GLIS3: variants seen among roughly 807,000 people sequenced by gnomAD.
GLIS3 encodes zinc finger protein GLIS3.
A neutral mutation model predicts 78.6 loss-of-function variants in GLIS3; 53 were observed. The observed-to-expected ratio is 0.67, with a 90% CI of 0.54 to 0.85. The LOEUF (loss-of-function observed/expected upper bound fraction) is 0.85. GLIS3 is among the 40% of genes least tolerant of loss of function. GLIS3 has a pLI of 0.00. For missense variants in GLIS3, 1,703 were observed against 1,231.1 expected (o/e 1.38, Z -5.74); for synonymous variants, 684 against 509.9 (o/e 1.34, Z -4.60).
the GLIS3 span, among the ~76,000 whole-genome samples, chr9:4,397,177 C>T: frequency 1.4e-5 from 2 of 140,982 alleles, no homozygotes; most frequent in Non-Finnish European, 3.0e-5. Flanking sequence ...AGGTGCCCGC[C>T]ACTACGCCCG....
intron 4 of GLIS3, among the ~76,000 whole-genome samples, chr9:4,083,717 A>C (rs1588630292): frequency 6.6e-6 from 1 of 152,224 alleles, no homozygotes; most frequent in Non-Finnish European, 1.5e-5. Flanking sequence ...GTGTTTTATA[A>C]ACCAAGCCAA....
chr9:4,095,898 T>C (rs968117214), intron 4 of GLIS3, among the ~76,000 whole-genome samples: 2 of 151,982 alleles, frequency 1.3e-5, no homozygotes, highest in Non-Finnish European at 2.9e-5. Context: ...GTTGCTGTCC[T>C]GGTTTCAAAG....
At chr9:4,247,355 A>T (rs1823896006) in intron 2 of GLIS3, among the ~76,000 whole-genome samples, 1 of 152,250 alleles carries the variant, frequency 6.6e-6, no homozygotes, top group African/African-American at 2.4e-5. Context: ...AAAAAGAAGT[A>T]CAGAAATAAA....
chr9:3,841,671 A>G (rs1184766038), intron 9 of GLIS3, among the ~76,000 whole-genome samples: 1 of 152,200 alleles, frequency 6.6e-6, no homozygotes, highest in Admixed American at 6.5e-5. Context: ...AGTGTGGAGC[A>G]AACACTTTGC....
At chr9:4,050,451 G>A (rs12343363) in intron 4 of GLIS3, among the ~76,000 whole-genome samples, 333 of 152,218 alleles carry the variant, frequency 2.2e-3, no homozygotes, top group African/African-American at 7.7e-3. Context: ...CTGTTGGTGG[G>A]TGGGGGTCTG....
intron 9 of GLIS3, among the ~76,000 whole-genome samples, chr9:3,835,697 C>T (rs922594572): frequency 6.6e-6 from 1 of 152,166 alleles, no homozygotes; most frequent in East Asian, 1.9e-4. Context: ...TAACAGAGAC[C>T]ATCCAATGTA....
At chr9:4,202,932 A>G (rs757556448) in intron 2 of GLIS3, among the ~76,000 whole-genome samples, 2 of 152,212 alleles carry the variant, frequency 1.3e-5, no homozygotes, top group Non-Finnish European at 2.9e-5. Context: ...ACTAAGTCCT[A>G]AAGTCAAAGG....
intron 2 of GLIS3, among the ~76,000 whole-genome samples, chr9:4,339,956 C>T (rs1478395579): frequency 1.4e-5 from 2 of 147,820 alleles, no homozygotes; most frequent in Non-Finnish European, 1.5e-5. Context: ...CTAGAGTGAA[C>T]TTAAGAGCAA....
intron 2 of GLIS3, among the ~76,000 whole-genome samples, chr9:4,251,794 G>A (rs947723649): frequency 1.3e-5 from 2 of 152,154 alleles, no homozygotes; most frequent in Admixed American, 6.5e-5. Flanking sequence ...TTGTAAGGCA[G>A]GCCTGGTAGT....
intron 2 of GLIS3, among the ~76,000 whole-genome samples, chr9:4,260,109 C>T (rs1388456085): frequency 1.3e-5 from 2 of 152,204 alleles, no homozygotes; most frequent in Non-Finnish European, 2.9e-5. Context: ...TCCCCATACC[C>T]TTCAGCTGAC....
chr9:3,989,941 G>A (rs1444549006), intron 4 of GLIS3, among the ~76,000 whole-genome samples: 1 of 152,158 alleles, frequency 6.6e-6, no homozygotes, highest in African/African-American at 2.4e-5. Context: ...CAATATTCGG[G>A]TTGATATCAT....
At chr9:3,874,740 A>C (rs576687766) in intron 8 of GLIS3, among the ~76,000 whole-genome samples, 102 of 152,362 alleles carry the variant, frequency 6.7e-4, no homozygotes, top group African/African-American at 2.4e-3. Context: ...AAACCCCCAC[A>C]CAGTTGGTCA....
At chr9:4,016,814 G>T (rs676601) in intron 4 of GLIS3, among the ~76,000 whole-genome samples, 15,935 of 152,046 alleles carry the variant, frequency 0.1, 2,611 homozygotes, top group African/African-American at 0.35. Context: ...TCCATTGTTG[G>T]GCAAAGCCAC....
chr9:4,390,684 G>A, the GLIS3 span, among the ~76,000 whole-genome samples: 2 of 152,302 alleles, frequency 1.3e-5, no homozygotes, highest in South Asian at 2.1e-4. Flanking sequence ...TCTCAGGCTA[G>A]AAGATCCAGA....
Position 3,977,408 on chromosome 9 carries a change from C to G in GLIS3, c.1711-40219G>C, listed in dbSNP as rs894899108. ...GACACATTTAATTTATTTTGGAGAACTGAGGTTGATATCCACTAGTGCTAT... is the reference window on the plus strand; with the variant it reads ...GACACATTTAATTTATTTTGGAGAAGTGAGGTTGATATCCACTAGTGCTAT... On this transcript the variant is annotated intron_variant, in intron 4 of 10. Transcript: ENST00000381971. The surrounding 1 kb of genome is among the most constrained non-coding windows in gnomAD (Gnocchi z 4.1). Among the ~76,000 whole-genome samples, 2 of 152,120 alleles carry G rather than the reference C, an allele frequency of 1.3e-5. No homozygotes were observed. Among genetic ancestry groups the G allele is most frequent in the Non-Finnish European group, 2.9e-5 (2 of 68,016 alleles).
chr9:4,315,652 A>G (rs1817424820), intron 2 of GLIS3, among the ~76,000 whole-genome samples: 1 of 152,120 alleles, frequency 6.6e-6, no homozygotes, highest in African/African-American at 2.4e-5. Context: ...CTACATTCTC[A>G]TGAACTTTCC....
chr9:4,078,436 C>G (rs1267273836), intron 4 of GLIS3, among the ~76,000 whole-genome samples: 2 of 152,176 alleles, frequency 1.3e-5, no homozygotes, highest in Admixed American at 1.3e-4. Flanking sequence ...ACTTCCAAAT[C>G]TTCTGATTCT....
chr9:4,248,147 G>A (rs1823983604), intron 2 of GLIS3, among the ~76,000 whole-genome samples: 1 of 152,104 alleles, frequency 6.6e-6, no homozygotes, highest in Non-Finnish European at 1.5e-5. Flanking sequence ...GTCCAGGCTT[G>A]TTACATAGGT....
At position 3,859,275 on chromosome 9, in the gene GLIS3, G is replaced by T. The variant is rs1374193321; in HGVS notation, c.2298-3091C>A. On this transcript the variant is annotated intron_variant, in intron 8 of 10. Coordinates refer to ENST00000381971, the MANE Select transcript of GLIS3 (RefSeq NM_001042413.2). ...GCAAAAATAAACTGTTTTCACTATT[G>T]TTGGAGGCAGGATGGGGAACTCAGA... Among the ~76,000 whole-genome samples the T allele has an allele frequency of 2.7e-5, 4 of 150,556 alleles. No homozygotes were observed. The East Asian group carries it at 7.9e-4, about 30-fold the overall frequency.
Sources: gnomAD v4.1 joint callset for allele counts (sites outside exome capture counted in the v4.1 genomes callset) on GRCh38, gnomAD v4.1.1 for gene constraint, Gnocchi (gnomAD v3.1) non-coding constraint, MANE v1.5 for transcripts, NCBI Gene and HGNC (gene_info 2026-07-23, HGNC 2026-07-21) for gene names.